ICE1: variants seen among roughly 807,000 people sequenced by gnomAD.
ICE1 encodes the protein interactor of little elongation complex ELL subunit 1, also known as little elongation complex subunit 1.
In ICE1, 64 loss-of-function variants were observed where a neutral mutation model predicts 192.7. The ratio of observed to expected loss-of-function variants is 0.33; its 90% CI spans 0.27 to 0.41. The LOEUF is 0.41. ICE1 is among the 10% of genes least tolerant of loss of function. The probability of loss-of-function intolerance (pLI) is 1.00; values close to 1 mark genes in which losing one functional copy is unlikely to be tolerated. For synonymous variants in ICE1, 1,010 were observed against 984.5 expected, an observed-to-expected ratio of 1.03 and a Z score of -0.49; for missense variants, 2,708 against 2,696.0, an observed-to-expected ratio of 1.00 and a Z score of -0.10.
chr5:5,468,589 G>A (rs987111916), intron 14 of ICE1, among the ~76,000 whole-genome samples: 1 of 152,146 alleles, frequency 6.6e-6, no homozygotes, highest in African/African-American at 2.4e-5. Flanking sequence ...CCTATGTAAT[G>A]CATAAAAATT....
rs1350367506 is a variant in ICE1 at position 5,439,933 on chromosome 5, A to G, written c.197+20A>G. ...AAGAAGGTGAGCCAACCTGTTTCATAGTTTATGATACCACCTATATGAGTA... is the reference window on the plus strand; with the variant it reads ...AAGAAGGTGAGCCAACCTGTTTCATGGTTTATGATACCACCTATATGAGTA... On this transcript the variant is annotated intron_variant, in intron 4 of 18. Transcript: ENST00000296564. 8 of 1,531,726 alleles carry G rather than the reference A, an allele frequency of 5.2e-6. No individual in the cohort carries two copies. Among genetic ancestry groups the G allele is most frequent in the Non-Finnish European group, 6.2e-6 (7 of 1,132,148 alleles). The allele number at this position is 1,531,726 out of a possible 1,614,324, so 94.9% of individuals were successfully genotyped here.
Position 5,422,699 on chromosome 5 carries a change from C to T in ICE1, c.-217C>T, listed in dbSNP as rs1384924334. The T allele has an allele frequency of 2.0e-5, 7 of 343,428 alleles. No homozygotes were observed. The East Asian group carries it at 2.6e-4, about 13-fold the overall frequency. 21.3% of individuals were successfully genotyped at this position (343,428 alleles called of 1,614,324 possible). ...ACTGGACTGCGTCGCGCTCGGGGGC[C>T]GCGCCGGGTAGCGTTTCTTTTTAGT... On this transcript the variant is annotated 5_prime_UTR_variant, in exon 1 of 19. Transcript: ENST00000296564.
intron 13 of ICE1, 88 bp downstream of exon 13, chr5:5,465,314 C>A: frequency 1.1e-6 from 1 of 886,110 alleles, no homozygotes; most frequent in Non-Finnish European, 1.7e-6. Flanking sequence ...GTGTAGATGA[C>A]CATGAACAAA....
intron 7 of ICE1, among the ~76,000 whole-genome samples, chr5:5,446,190 G>A (rs1436728752): frequency 6.6e-6 from 1 of 152,020 alleles, no homozygotes; most frequent in African/African-American, 2.4e-5. Context: ...ATTTTTTGTA[G>A]AGATAGGGTT....
chr5:5,462,324 C>A lies in ICE1; in HGVS notation c.2990C>A (p.Thr997Lys). The A allele has an allele frequency of 6.2e-7, 1 of 1,613,968 alleles. No individual in the cohort carries two copies. Among genetic ancestry groups the A allele is most frequent in the Non-Finnish European group, 8.5e-7 (1 of 1,179,890 alleles). Residue 997 changes from threonine (T) to lysine (K), a missense_variant, in exon 13 of 19, where the codon ACA becomes AAA. Physicochemically the swap from Thr to Lys is moderately conservative, Grantham distance 78. Coordinates refer to ENST00000296564, the MANE Select transcript of ICE1 (RefSeq NM_015325.3). ...GCCACAGATCTGGACTCCAGTGGGA[C>A]ACATGGCAGTGAGATGCTTCCAGCC... is the stretch of plus-strand genomic sequence containing the variant. ...PQATDLDSSG[T>K]HGSEMLPATE... is the part of the protein sequence containing the mutation.
intron 1 of ICE1, among the ~76,000 whole-genome samples, chr5:5,424,991 G>A (rs2111325313): frequency 6.6e-6 from 1 of 152,324 alleles, no homozygotes; most frequent in African/African-American, 2.4e-5. Flanking sequence ...AAGAACTACT[G>A]ATGTGAACTG....
intron 4 of ICE1, among the ~76,000 whole-genome samples, chr5:5,440,471 T>G (rs937722639): frequency 3.9e-5 from 6 of 152,222 alleles, no homozygotes; most frequent in Non-Finnish European, 7.3e-5. Flanking sequence ...TAAAGTATTC[T>G]TCAGCAAATT....
At chr5:5,488,025 G>C (rs1027204418) in intron 18 of ICE1, among the ~76,000 whole-genome samples, 6 of 152,210 alleles carry the variant, frequency 3.9e-5, no homozygotes, top group African/African-American at 1.4e-4. Context: ...TCTTTAAATA[G>C]TGCCACATGC....
rs1738745059 is a variant in ICE1 at position 5,460,735 on chromosome 5, A to G, written c.1401A>G (p.Ala467=). 2 of 1,614,018 alleles carry G rather than the reference A, an allele frequency of 1.2e-6. No homozygotes were observed. Among genetic ancestry groups the G allele is most frequent in the South Asian group, 2.2e-5 (2 of 91,086 alleles). Residue 467 remains alanine, a synonymous_variant, in exon 13 of 19, where the codon GCA becomes GCG. Coordinates refer to ENST00000296564, the MANE Select transcript of ICE1 (RefSeq NM_015325.3). ...TTGGTGAAAAACACTGGACCACAGCATCTCGATCCATGAGTGATAGAAAAA... is the reference window on the plus strand; with the variant it reads ...TTGGTGAAAAACACTGGACCACAGCGTCTCGATCCATGAGTGATAGAAAAA... ...SLVGEKHWTT[A]SRSMSDRKRD...
intron 15 of ICE1, among the ~76,000 whole-genome samples, chr5:5,471,387 C>A (rs1191369236): frequency 1.3e-5 from 2 of 151,934 alleles, no homozygotes; most frequent in Non-Finnish European, 2.9e-5. Flanking sequence ...GAGTTTTAAT[C>A]TAATCTTTAA....
At chr5:5,446,198 G>T (rs1004981104) in intron 7 of ICE1, among the ~76,000 whole-genome samples, 8 of 152,136 alleles carry the variant, frequency 5.3e-5, no homozygotes, top group Middle Eastern at 6.8e-3. Flanking sequence ...TAGAGATAGG[G>T]TTGCCCAGGC....
intron 10 of ICE1, among the ~76,000 whole-genome samples, chr5:5,451,496 CAG>C (rs1738415780): frequency 6.6e-6 from 1 of 152,020 alleles, no homozygotes; most frequent in Non-Finnish European, 1.5e-5. Flanking sequence ...AACAAACAAA[CAG>C]AAGGAAAAAC....
rs113996573 is a variant in ICE1, at chr5:5,466,819, A to C, written c.6061+317A>C. Among the ~76,000 whole-genome samples, 1,441 of 152,328 alleles carry C rather than the reference A, an allele frequency of 9.5e-3. 26 individuals are homozygous for C. Among genetic ancestry groups the C allele is most frequent in the African/African-American group, 0.033 (1,381 of 41,576 alleles). ...TACTTTAAAGTAAGTGACAAGCCAA[A>C]CTGCTGTACCACTAGGTGGAAAGGG... On this transcript the variant is annotated intron_variant, in intron 14 of 18. Transcript: ENST00000296564.
chr5:5,451,467 CTT>C (rs571708507), intron 10 of ICE1, among the ~76,000 whole-genome samples: 5 of 152,082 alleles, frequency 3.3e-5, no homozygotes, highest in Non-Finnish European at 2.9e-5. Flanking sequence ...ACCAACAACT[CTT>C]TGGTAAACTT....
At chr5:5,433,654 C>A (rs1737788730) in intron 1 of ICE1, among the ~76,000 whole-genome samples, 1 of 152,142 alleles carries the variant, frequency 6.6e-6, no homozygotes, top group South Asian at 2.1e-4. Context: ...CACTCTAGTC[C>A]AGTATGACCT....
chr5:5,480,131 A>G (rs1387835900), intron 17 of ICE1, among the ~76,000 whole-genome samples: 1 of 152,224 alleles, frequency 6.6e-6, no homozygotes, highest in Non-Finnish European at 1.5e-5. Context: ...CTCTATCTGC[A>G]GCATGTATTC....
At chr5:5,434,418 C>G (rs920456993) in intron 1 of ICE1, among the ~76,000 whole-genome samples, 2 of 152,170 alleles carry the variant, frequency 1.3e-5, no homozygotes, top group Admixed American at 1.3e-4. Flanking sequence ...AGAGAATCTG[C>G]AGATAAATTA....
chr5:5,481,356 A>G (rs1333342681), intron 17 of ICE1, among the ~76,000 whole-genome samples: 1 of 152,084 alleles, frequency 6.6e-6, no homozygotes, highest in Non-Finnish European at 1.5e-5. Context: ...AATAAGAGTG[A>G]AGACTGTTTT....
At chr5:5,426,431 G>T (rs956494159) in intron 1 of ICE1, among the ~76,000 whole-genome samples, 1 of 145,726 alleles carries the variant, frequency 6.9e-6, no homozygotes, top group African/African-American at 2.6e-5. Flanking sequence ...CTGGGTGACA[G>T]AGCAAGACTC....
Sources: gnomAD v4.1 joint callset for allele counts (sites outside exome capture counted in the v4.1 genomes callset) on GRCh38, gnomAD v4.1.1 for gene constraint, MANE v1.5 for transcripts, NCBI Gene and HGNC (gene_info 2026-07-23, HGNC 2026-07-21) for gene names.